REEP1: variants seen among roughly 807,000 people sequenced by gnomAD.
REEP1 encodes receptor expression-enhancing protein 1.
Under a neutral mutation model 40.3 loss-of-function variants are expected in REEP1, and 22 were observed. That is an observed-to-expected ratio of 0.55 (90% CI 0.39 to 0.78). The LOEUF is 0.78. Ranked by LOEUF, REEP1 falls within the 30% of genes least tolerant of loss-of-function variation. REEP1 has a pLI of 0.00. For synonymous variants in REEP1, 116 were observed against 139.2 expected (o/e 0.83, Z 1.17); for missense variants, 280 against 361.1 (o/e 0.78, Z 1.82).
chr2:86,238,143 T>C (rs1675463868), intron 5 of REEP1, among the ~76,000 whole-genome samples: 1 of 152,206 alleles, frequency 6.6e-6, no homozygotes, highest in African/African-American at 2.4e-5. Flanking sequence ...ATCGTGCCAT[T>C]GCACTCCAGC....
At chr2:86,322,826 C>A (rs1680332491) in intron 1 of REEP1, among the ~76,000 whole-genome samples, 1 of 151,886 alleles carries the variant, frequency 6.6e-6, no homozygotes, top group Non-Finnish European at 1.5e-5. Context: ...AGGCTGAGAC[C>A]AGAAGGATCC....
intron 2 of REEP1, among the ~76,000 whole-genome samples, chr2:86,268,235 G>A (rs893076820): frequency 2.0e-5 from 3 of 152,050 alleles, no homozygotes; most frequent in Non-Finnish European, 4.4e-5. Flanking sequence ...AACTGTCTAC[G>A]TAGAAAATCC....
chr2:86,295,558 T>A (rs930592471), intron 1 of REEP1, among the ~76,000 whole-genome samples: 6 of 152,218 alleles, frequency 3.9e-5, no homozygotes, highest in Non-Finnish European at 7.3e-5. Flanking sequence ...GGAGTCTTGC[T>A]CTGTCACCCA....
chr2:86,266,166 C>T (rs1025260680), intron 2 of REEP1, among the ~76,000 whole-genome samples: 11 of 152,184 alleles, frequency 7.2e-5, no homozygotes, highest in African/African-American at 1.9e-4. Flanking sequence ...TAGATATCCA[C>T]ATGTAAAATA....
At chr2:86,235,050 C>T (rs945716029) in intron 5 of REEP1, among the ~76,000 whole-genome samples, 3 of 152,236 alleles carry the variant, frequency 2.0e-5, no homozygotes, top group African/African-American at 7.2e-5. Context: ...TTCACTGACT[C>T]ACTCTTTCAT....
At chr2:86,222,014 C>T (rs905854987) in intron 7 of REEP1, among the ~76,000 whole-genome samples, 1 of 152,152 alleles carries the variant, frequency 6.6e-6, no homozygotes, top group Non-Finnish European at 1.5e-5. Context: ...CTGTACCCTC[C>T]ACATCCAGGT....
chr2:86,307,659 G>A (rs1679561238), intron 1 of REEP1, among the ~76,000 whole-genome samples: 1 of 151,910 alleles, frequency 6.6e-6, no homozygotes, highest in African/African-American at 2.4e-5. Context: ...TTTGCAGGAG[G>A]TTGAGGCTGC....
At chr2:86,236,568 T>G (rs940363379) in intron 5 of REEP1, among the ~76,000 whole-genome samples, 10 of 152,050 alleles carry the variant, frequency 6.6e-5, no homozygotes, top group Non-Finnish European at 1.3e-4. Flanking sequence ...TCCCAGCACT[T>G]TGGAGGATGA....
chr2:86,218,693 C>T (rs1050745021), intron 8 of REEP1, among the ~76,000 whole-genome samples: 7 of 152,204 alleles, frequency 4.6e-5, no homozygotes, highest in Non-Finnish European at 7.3e-5. Context: ...GGCCAGATTG[C>T]CCAGGCCAGA....
At chr2:86,299,766 T>C (rs1679175373) in intron 1 of REEP1, among the ~76,000 whole-genome samples, 1 of 152,238 alleles carries the variant, frequency 6.6e-6, no homozygotes, top group Non-Finnish European at 1.5e-5. Context: ...GTTTAACTTC[T>C]TACTGTTAAC....
At chr2:86,308,100 GAT>G (rs1012612220) in intron 1 of REEP1, among the ~76,000 whole-genome samples, 5 of 152,186 alleles carry the variant, frequency 3.3e-5, no homozygotes, top group Admixed American at 3.3e-4. Flanking sequence ...ATATGGGTCA[GAT>G]CACTAGAACA....
intron 8 of REEP1, 129 bp from the exon 9 acceptor site, chr2:86,217,239 G>T: frequency 1.3e-6 from 1 of 770,666 alleles, no homozygotes; most frequent in South Asian, 1.5e-5. Flanking sequence ...TAGGGCTGGG[G>T]TCTCCCTGAA....
intron 2 of REEP1, among the ~76,000 whole-genome samples, chr2:86,278,120 A>G (rs1229122483): frequency 6.6e-6 from 1 of 152,228 alleles, no homozygotes; most frequent in Non-Finnish European, 1.5e-5. Flanking sequence ...TTATATTCAT[A>G]CAAGAGTCAT....
intron 1 of REEP1, among the ~76,000 whole-genome samples, chr2:86,307,119 G>A (rs757965955): frequency 9.3e-5 from 14 of 151,338 alleles, no homozygotes; most frequent in African/African-American, 1.9e-4. Context: ...CAGGAGAATC[G>A]CTTGAACCTG....
chr2:86,224,043 T>C (rs963577841), intron 7 of REEP1, among the ~76,000 whole-genome samples: 2 of 152,176 alleles, frequency 1.3e-5, no homozygotes, highest in Admixed American at 6.5e-5. Context: ...GCATCTGAGA[T>C]GTGCAGCTTA....
At chr2:86,325,113 T>C (rs1002889042) in intron 1 of REEP1, among the ~76,000 whole-genome samples, 1 of 152,190 alleles carries the variant, frequency 6.6e-6, no homozygotes, top group African/African-American at 2.4e-5. Context: ...CCAGGTGCAG[T>C]GGCTCACACC....
intron 3 of REEP1, among the ~76,000 whole-genome samples, chr2:86,259,374 A>ATTTTAT (rs1311087654): frequency 2.0e-5 from 3 of 151,290 alleles, no homozygotes; most frequent in African/African-American, 4.9e-5. Context: ...TGTATGTATT[A>ATTTTAT]TTTTATTTTT....
chr2:86,256,855 G>A (rs943232610), intron 3 of REEP1, among the ~76,000 whole-genome samples: 1 of 152,170 alleles, frequency 6.6e-6, no homozygotes, highest in African/African-American at 2.4e-5. Context: ...TTAGAGATCA[G>A]AAAGTCCTTT....
chr2:86,273,226 A>G (rs996247902), intron 2 of REEP1, among the ~76,000 whole-genome samples: 4 of 151,548 alleles, frequency 2.6e-5, no homozygotes, highest in African/African-American at 9.7e-5. Context: ...TGTTGTTAAG[A>G]TAAAGCCCAA....
Sources: gnomAD v4.1 joint callset for allele counts (sites outside exome capture counted in the v4.1 genomes callset) on GRCh38, gnomAD v4.1.1 for gene constraint, MANE v1.5 for transcripts, NCBI Gene and HGNC (gene_info 2026-07-23, HGNC 2026-07-21) for gene names.